SRPK2: variants seen among roughly 807,000 people sequenced by gnomAD.
SRPK2 encodes SFRS protein kinase 2.
A neutral mutation model predicts 90.8 loss-of-function variants in SRPK2; 21 were observed. The observed-to-expected ratio is 0.23, with a 90% CI of 0.16 to 0.33. The LOEUF (loss-of-function observed/expected upper bound fraction) is 0.33. Among genes scored for constraint, SRPK2 ranks in the 10% least tolerant of loss-of-function variants. The pLI is 1.00. For missense variants in SRPK2, 620 were observed against 869.0 expected, an observed-to-expected ratio of 0.71 and a Z score of 3.60; for synonymous variants, 288 against 311.1, an observed-to-expected ratio of 0.93 and a Z score of 0.78.
At chr7:105,359,147 C>T (rs6466060) in intron 2 of SRPK2, among the ~76,000 whole-genome samples, 132,063 of 137,124 alleles carry the variant, frequency 0.96, 63,843 homozygotes, top group East Asian at 1. Flanking sequence ...ATCCAAACCA[C>T]AGCTTTTTTT....
chr7:105,301,350 C>T (rs577890156), intron 2 of SRPK2, among the ~76,000 whole-genome samples: 139 of 152,004 alleles, frequency 9.1e-4, no homozygotes, highest in African/African-American at 3.2e-3. Flanking sequence ...GGCAGCTGGG[C>T]GCTGCCGAGG....
intron 11 of SRPK2, among the ~76,000 whole-genome samples, chr7:105,137,933 C>T (rs1036812536): frequency 3.9e-5 from 6 of 152,270 alleles, no homozygotes; most frequent in Admixed American, 3.9e-4. Flanking sequence ...AAACACACCT[C>T]CCATGGGGGA....
intron 2 of SRPK2, among the ~76,000 whole-genome samples, chr7:105,377,219 T>C (rs926735902): frequency 1.3e-5 from 2 of 152,138 alleles, no homozygotes; most frequent in South Asian, 2.1e-4. Flanking sequence ...GCTCCTCCTT[T>C]ACCAACCCTA....
At chr7:105,274,837 C>T (rs1806275233) in intron 2 of SRPK2, among the ~76,000 whole-genome samples, 1 of 151,812 alleles carries the variant, frequency 6.6e-6, no homozygotes, top group African/African-American at 2.4e-5. Flanking sequence ...CATCTCCTTG[C>T]TGCAGCATCC....
intron 2 of SRPK2, among the ~76,000 whole-genome samples, chr7:105,214,854 C>T (rs1797260816): frequency 6.6e-6 from 1 of 152,230 alleles, no homozygotes; most frequent in East Asian, 1.9e-4. Flanking sequence ...TCCTAAAACT[C>T]ATATGGAAAT....
chr7:105,142,029 T>C lies in SRPK2; in HGVS notation c.1522A>G (p.Ser508Gly), dbSNP rs1464770595. ...TTACCTTTTGGCAAATCCCCAGTACTGGAGGCTGAAACCGTTCTGCTTCTG... is the reference window on the plus strand; with the variant it reads ...TTACCTTTTGGCAAATCCCCAGTACCGGAGGCTGAAACCGTTCTGCTTCTG... ...HDRSRTVSAS[S>G]TGDLPKAKTR... The change falls in exon 11 of 16, where the codon AGT (serine) becomes GGT (glycine). Residue 508 changes from serine to glycine, a missense_variant. Around this residue, in one of 8 missense-constraint regions of SRPK2, gnomAD observed 243 missense variants for 245.7 expected, o/e 0.99. Transcript: ENST00000393651. 15 of 1,612,942 alleles carry C rather than the reference T, an allele frequency of 9.3e-6. No homozygotes were observed. The highest frequency in any genetic ancestry group is 1.3e-5 in the Non-Finnish European group (15 of 1,179,338).
intron 2 of SRPK2, among the ~76,000 whole-genome samples, chr7:105,375,337 T>G (rs1269254890): frequency 6.6e-6 from 1 of 151,794 alleles, no homozygotes; most frequent in Non-Finnish European, 1.5e-5. Context: ...TAAAATCAAG[T>G]GTAACAAGTG....
Position 105,275,529 on chromosome 7 carries a change from T to C in SRPK2, c.72-71744A>G, listed in dbSNP as rs138617283. Reference sequence around the variant, plus strand: ...CCTTAAAAGATACTCAAACTCCTTATGAAGATGAACAGTTTTTAACTCTTC... The same window carrying C: ...CCTTAAAAGATACTCAAACTCCTTACGAAGATGAACAGTTTTTAACTCTTC... On this transcript the variant is annotated intron_variant, in intron 2 of 15. Transcript: ENST00000393651. Among the ~76,000 whole-genome samples, 17 of 152,296 alleles carry C rather than the reference T, an allele frequency of 1.1e-4. No individual in the cohort carries two copies. The East Asian group carries it at 3.1e-3, about 28-fold the overall frequency.
At chr7:105,349,015 G>A (rs544974393) in intron 2 of SRPK2, among the ~76,000 whole-genome samples, 10 of 151,328 alleles carry the variant, frequency 6.6e-5, no homozygotes, top group Non-Finnish European at 1.3e-4. Context: ...GCGTGGTGGC[G>A]CTTTCCTGTA....
At chr7:105,125,747 T>A (rs1224089951) in intron 15 of SRPK2, 1 of 977,340 alleles carries the variant, frequency 1.0e-6, no homozygotes, top group Non-Finnish European at 1.4e-6. Flanking sequence ...GGGAGAAGAC[T>A]ATGCTGAAAA....
chr7:105,324,173 T>TA (rs890400031), intron 2 of SRPK2, among the ~76,000 whole-genome samples: 110 of 151,290 alleles, frequency 7.3e-4, no homozygotes, highest in Non-Finnish European at 7.4e-4. Context: ...ATTATATATA[T>TA]TTTTTTTGTA....
At chr7:105,379,065 G>C (rs968228514) in intron 2 of SRPK2, among the ~76,000 whole-genome samples, 2 of 151,958 alleles carry the variant, frequency 1.3e-5, no homozygotes, top group African/African-American at 4.8e-5. Context: ...CCTGAGGCAG[G>C]AGGATCATTT....
At chr7:105,293,278 A>C (rs1402545349) in intron 2 of SRPK2, among the ~76,000 whole-genome samples, 1 of 151,760 alleles carries the variant, frequency 6.6e-6, no homozygotes, top group African/African-American at 2.4e-5. Flanking sequence ...CCATCTCAAA[A>C]AAAGAAAAAA....
intron 2 of SRPK2, chr7:105,206,050 T>A (rs947479004): frequency 3.9e-6 from 2 of 516,800 alleles, no homozygotes; most frequent in African/African-American, 3.9e-5. Flanking sequence ...ATTCTTGGAC[T>A]GGATAATTCA....
chr7:105,366,188 G>A (rs1365173718), intron 2 of SRPK2, among the ~76,000 whole-genome samples: 4 of 151,868 alleles, frequency 2.6e-5, no homozygotes, highest in Admixed American at 6.6e-5. Context: ...GAACTCATAC[G>A]CTGCCACTTG....
intron 2 of SRPK2, among the ~76,000 whole-genome samples, chr7:105,330,336 CA>C (rs1247109507): frequency 1.3e-5 from 2 of 148,876 alleles, no homozygotes; most frequent in Non-Finnish European, 3.0e-5. Context: ...GACTCTGTCT[CA>C]AAAATAAATA....
Position 105,142,457 on chromosome 7 carries a change from G to A in SRPK2, c.1094C>T (p.Ala365Val), listed in dbSNP as rs1420485864. 1.2e-6 allele frequency: 2 copies of A among 1,611,720 alleles called. No homozygotes were observed. Among genetic ancestry groups the A allele is most frequent in the East Asian group, 2.2e-5 (1 of 44,870 alleles). Residue 365 changes from alanine (A) to valine (V), a missense_variant, in exon 11 of 16, where the codon GCT becomes GTT. Physicochemically the swap from Ala to Val is moderately conservative, Grantham distance 64. Coordinates refer to ENST00000393651, the MANE Select transcript of SRPK2 (RefSeq NM_182692.3). ...ATCTTTTTCAATGTTTTCTTTCTCAGCATCTTCTTTCTCTTCCTGGTCCTC... is the reference window on the plus strand; with the variant it reads ...ATCTTTTTCAATGTTTTCTTTCTCAACATCTTCTTTCTCTTCCTGGTCCTC... ...EAEDQEEKED[A>V]EKENIEKDED...
At chr7:105,179,880 G>A (rs565894690) in intron 3 of SRPK2, among the ~76,000 whole-genome samples, 51 of 150,396 alleles carry the variant, frequency 3.4e-4, no homozygotes, top group Non-Finnish European at 5.9e-4. Flanking sequence ...AGCTAACCAG[G>A]GAAGTGAAAG....
intron 2 of SRPK2, among the ~76,000 whole-genome samples, chr7:105,257,163 C>T (rs953282614): frequency 3.3e-5 from 5 of 152,120 alleles, no homozygotes; most frequent in Admixed American, 2.6e-4. Flanking sequence ...CACTAAGTGG[C>T]TAGTGCATAG....
Sources: allele counts gnomAD v4.1 joint callset (sites outside exome capture counted in the v4.1 genomes callset), GRCh38; gene constraint gnomAD v4.1.1; regional missense constraint gnomAD v4.1.1; transcripts MANE v1.5; gene names NCBI Gene and HGNC (gene_info 2026-07-23, HGNC 2026-07-21).